The following GRM8 variants were observed in gnomAD, a reference collection of about 807,000 sequenced individuals.
The protein encoded by GRM8 is glutamate metabotropic receptor 8.
Under a neutral mutation model 87.2 loss-of-function variants are expected in GRM8, and 47 were observed. That is an observed-to-expected ratio of 0.54 (90% CI 0.43 to 0.69). The LOEUF (loss-of-function observed/expected upper bound fraction) is 0.69, where lower values mean the gene tolerates loss of function less well. Ranked by LOEUF, GRM8 falls within the 30% of genes least tolerant of loss-of-function variation. The pLI is 0.00. For missense variants in GRM8, 1,019 were observed against 1,139.2 expected (o/e 0.89, Z 1.52); for synonymous variants, 396 against 404.5 (o/e 0.98, Z 0.25).
chr7:127,148,799 T>C (rs1337665097), intron 2 of GRM8, among the ~76,000 whole-genome samples: 1 of 152,032 alleles, frequency 6.6e-6, no homozygotes, highest in Non-Finnish European at 1.5e-5. Flanking sequence ...AAACACAGCA[T>C]AGTAATTTTT....
chr7:127,091,030 G>A (rs1048339936), intron 3 of GRM8: 1 of 152,200 alleles, frequency 6.6e-6, no homozygotes, highest in Non-Finnish European at 1.5e-5. Flanking sequence ...AAAAAGAAGG[G>A]AATAATTTAA....
chr7:126,583,321 C>T (rs771825164), intron 8 of GRM8, among the ~76,000 whole-genome samples: 28 of 152,166 alleles, frequency 1.8e-4, no homozygotes, highest in Non-Finnish European at 2.5e-4. Context: ...TACCATTGCA[C>T]TCCCAGCCCG....
At chr7:127,030,304 C>A (rs539002572) in intron 3 of GRM8, among the ~76,000 whole-genome samples, 5 of 81,626 alleles carry the variant, frequency 6.1e-5, no homozygotes, top group African/African-American at 3.5e-4. Context: ...AGAAGGTTCA[C>A]CCCTCCCAGT....
chr7:126,659,572 A>G (rs561535423), intron 7 of GRM8, among the ~76,000 whole-genome samples: 7 of 152,324 alleles, frequency 4.6e-5, no homozygotes, highest in Admixed American at 1.3e-4. Context: ...GGTGCACTAC[A>G]TACTAGTATT....
intron 2 of GRM8, among the ~76,000 whole-genome samples, chr7:127,222,454 T>C (rs2116725513): frequency 6.6e-6 from 1 of 152,314 alleles, no homozygotes. Context: ...GAAGATACTC[T>C]ACCCTACTTT....
At chr7:126,514,197 C>T (rs1371247509) in intron 9 of GRM8, among the ~76,000 whole-genome samples, 1 of 152,084 alleles carries the variant, frequency 6.6e-6, no homozygotes, top group Non-Finnish European at 1.5e-5. Context: ...GAGTTGTGGT[C>T]CATCTGTTTT....
intron 7 of GRM8, among the ~76,000 whole-genome samples, chr7:126,625,135 T>C (rs1409536978): frequency 6.6e-6 from 1 of 152,210 alleles, no homozygotes; most frequent in Non-Finnish European, 1.5e-5. Flanking sequence ...TTTCACTTCA[T>C]GTCACATTAT....
intron 6 of GRM8, among the ~76,000 whole-genome samples, chr7:126,821,818 C>T (rs1005633727): frequency 2.6e-5 from 4 of 152,228 alleles, no homozygotes; most frequent in Admixed American, 6.5e-5. Flanking sequence ...AGGCCTTTTC[C>T]GGATCTGACC....
At chr7:127,083,095 C>T (rs139234708) in intron 3 of GRM8, among the ~76,000 whole-genome samples, 9 of 152,322 alleles carry the variant, frequency 5.9e-5, no homozygotes, top group African/African-American at 1.7e-4. Context: ...CCTTGTGCAA[C>T]TTGGCCCAGA....
chr7:127,022,679 A>G (rs1164670772), intron 3 of GRM8, among the ~76,000 whole-genome samples: 2 of 152,076 alleles, frequency 1.3e-5, no homozygotes, highest in Non-Finnish European at 2.9e-5. Context: ...GAAAGAGAAT[A>G]CTTTTTACTA....
chr7:126,963,846 C>G (rs1025328088), intron 3 of GRM8, among the ~76,000 whole-genome samples: 4 of 152,076 alleles, frequency 2.6e-5, no homozygotes, highest in Admixed American at 6.5e-5. Flanking sequence ...AAAAAAGAGC[C>G]CACATAGCCA....
At chr7:126,581,627 C>CT (rs561302270) in intron 8 of GRM8, among the ~76,000 whole-genome samples, 27 of 151,942 alleles carry the variant, frequency 1.8e-4, no homozygotes, top group Middle Eastern at 3.4e-3. Flanking sequence ...CATTACGGTG[C>CT]TTTTTTTTAT....
At chr7:127,009,353 T>C (rs1814645263) in intron 3 of GRM8, among the ~76,000 whole-genome samples, 1 of 152,190 alleles carries the variant, frequency 6.6e-6, no homozygotes, top group Non-Finnish European at 1.5e-5. Context: ...TTTATACCTA[T>C]GCTCTTCTGA....
chr7:126,825,845 T>C (rs1794722273), intron 6 of GRM8, among the ~76,000 whole-genome samples: 1 of 151,826 alleles, frequency 6.6e-6, no homozygotes, highest in African/African-American at 2.4e-5. Context: ...GCATTAGGTA[T>C]ATCTCCTAAT....
chr7:127,200,458 A>T (rs775580185), intron 2 of GRM8, among the ~76,000 whole-genome samples: 11 of 152,204 alleles, frequency 7.2e-5, no homozygotes, highest in Non-Finnish European at 1.3e-4. Flanking sequence ...ACCAATAAAA[A>T]CAGGAGAAGT....
At chr7:126,938,958 G>C (rs1806616757) in intron 3 of GRM8, among the ~76,000 whole-genome samples, 1 of 152,154 alleles carries the variant, frequency 6.6e-6, no homozygotes, top group South Asian at 2.1e-4. Flanking sequence ...AGCCTCAGCT[G>C]TCTGTGCTTC....
chr7:126,760,052 A>T (rs1340359656), intron 7 of GRM8, among the ~76,000 whole-genome samples: 1 of 152,062 alleles, frequency 6.6e-6, no homozygotes. Context: ...CACCACCTCA[A>T]ATCTTCTCTG....
chr7:127,207,227 G>T (rs1341960405), intron 2 of GRM8, among the ~76,000 whole-genome samples: 1 of 152,028 alleles, frequency 6.6e-6, no homozygotes, highest in Admixed American at 6.6e-5. Context: ...GTTCTTAAGA[G>T]AAAATATTTG....
intron 3 of GRM8, among the ~76,000 whole-genome samples, chr7:127,073,185 C>A (rs1821899200): frequency 6.6e-6 from 1 of 152,136 alleles, no homozygotes; most frequent in African/African-American, 2.4e-5. Flanking sequence ...CTTCTAAGTA[C>A]TGGAGGGACC....
Sources: gnomAD v4.1 joint callset for allele counts (sites outside exome capture counted in the v4.1 genomes callset) on GRCh38, gnomAD v4.1.1 for gene constraint, MANE v1.5 for transcripts, NCBI Gene and HGNC (gene_info 2026-07-23, HGNC 2026-07-21) for gene names.